COL10A1: variants seen among roughly 807,000 people sequenced by gnomAD.
COL10A1 encodes the protein collagen type X alpha 1 chain.
COL10A1 carries 10 observed loss-of-function variants against 18.2 expected under a neutral mutation model. That is an observed-to-expected ratio of 0.55 (90% CI 0.34 to 0.93). COL10A1 has a LOEUF of 0.93. Ranked by LOEUF, COL10A1 falls within the 40% of genes least tolerant of loss-of-function variation. The pLI is 0.02. For synonymous variants in COL10A1, 330 were observed against 316.6 expected (o/e 1.04, Z -0.45); for missense variants, 897 against 853.5 (o/e 1.05, Z -0.64).
At chr6:116,216,765 T>C in the COL10A1 span, among the ~76,000 whole-genome samples, 1 of 152,264 alleles carries the variant, frequency 6.6e-6, no homozygotes, top group African/African-American at 2.4e-5. Flanking sequence ...TTTATCTCTT[T>C]TATCCTCCAA....
intron 1 of COL10A1, among the ~76,000 whole-genome samples, chr6:116,149,883 T>C (rs1342580043): frequency 6.6e-6 from 1 of 152,200 alleles, no homozygotes; most frequent in Non-Finnish European, 1.5e-5. Flanking sequence ...AAACCAGCAT[T>C]AGGACTTAAC....
chr6:116,187,069 G>A, the COL10A1 span, among the ~76,000 whole-genome samples: 4 of 152,024 alleles, frequency 2.6e-5, no homozygotes, highest in Non-Finnish European at 5.9e-5. Context: ...CCTTGTTGTG[G>A]TGTTCTCCCC....
intron 1 of COL10A1, among the ~76,000 whole-genome samples, chr6:116,140,233 G>T (rs1430138198): frequency 6.6e-6 from 1 of 152,042 alleles, no homozygotes; most frequent in African/African-American, 2.4e-5. Flanking sequence ...GTTACCTAAA[G>T]CCATCAACTT....
Position 116,120,387 on chromosome 6 carries a change from T to C in COL10A1, c.1729A>G (p.Asn577Asp). The C allele has an allele frequency of 2.5e-6, 4 of 1,614,278 alleles. No individual in the cohort carries two copies. The highest frequency in any genetic ancestry group is 3.3e-5 in the Admixed American group (2 of 60,028). Residue 577 changes from asparagine (N) to aspartate (D), a missense_variant, in exon 3 of 3, where the codon AAC becomes GAC. Transcript: ENST00000651968. ...TPIPFDKILYNRQQHYDPRTG... is the reference protein window; with the variant it reads ...TPIPFDKILYDRQQHYDPRTG... ...CTTGGGTCATAATGCTGTTGCCTGT[T>C]ATACAAAATTTTATCAAATGGTATG...
At chr6:116,123,212 G>A (rs1022164240) in intron 2 of COL10A1, among the ~76,000 whole-genome samples, 1 of 152,196 alleles carries the variant, frequency 6.6e-6, no homozygotes, top group African/African-American at 2.4e-5. Context: ...GGAGAAACAA[G>A]TCAATGGAAA....
the COL10A1 span, among the ~76,000 whole-genome samples, chr6:116,203,975 A>G: frequency 1.4e-4 from 21 of 152,000 alleles, no homozygotes; most frequent in African/African-American, 5.1e-4. Flanking sequence ...TGACACACAC[A>G]CGGTGATCAT....
Position 116,125,370 on chromosome 6 carries a change from C to T in COL10A1, c.123G>A (p.Gln41=), listed in dbSNP as rs1779265485. 6.2e-7 allele frequency: 1 copy of T among 1,613,430 alleles called. No homozygotes were observed. ...TCTTTATGGTGTAGGGAATGAAGAA[C>T]TGTGTCTTGGTGTTGGGTAGTGGGC... ...IKGPLPNTKT[Q]FFIPYTIKSK... Residue 41 remains glutamine, a synonymous_variant, in exon 2 of 3, where the codon CAG becomes CAA. Coordinates refer to ENST00000651968, the MANE Select transcript of COL10A1 (RefSeq NM_000493.4).
At chr6:116,202,617 T>C in the COL10A1 span, among the ~76,000 whole-genome samples, 1 of 152,004 alleles carries the variant, frequency 6.6e-6, no homozygotes, top group Non-Finnish European at 1.5e-5. Context: ...TTAGATTGAG[T>C]GGTATTTACA....
At chr6:116,156,494 A>G (rs1332087279) in intron 1 of COL10A1, among the ~76,000 whole-genome samples, 1 of 152,190 alleles carries the variant, frequency 6.6e-6, no homozygotes, top group Non-Finnish European at 1.5e-5. Flanking sequence ...AGTGCAAAGT[A>G]AAAAGGAATG....
At chr6:116,177,450 G>T in the COL10A1 span, among the ~76,000 whole-genome samples, 1 of 151,960 alleles carries the variant, frequency 6.6e-6, no homozygotes, top group Non-Finnish European at 1.5e-5. Flanking sequence ...TTGCAAAATG[G>T]GTAAAAGTAT....
chr6:116,206,304 G>A, the COL10A1 span, among the ~76,000 whole-genome samples: 1 of 152,080 alleles, frequency 6.6e-6, no homozygotes, highest in East Asian at 1.9e-4. Flanking sequence ...GTAAAGCATT[G>A]TGCTAAATGT....
the COL10A1 span, among the ~76,000 whole-genome samples, chr6:116,192,852 T>C: frequency 6.6e-6 from 1 of 152,052 alleles, no homozygotes; most frequent in Non-Finnish European, 1.5e-5. Flanking sequence ...AAGGTGTGTC[T>C]TTTCTAGTCT....
chr6:116,178,056 T>A, the COL10A1 span, among the ~76,000 whole-genome samples: 1 of 68,008 alleles, frequency 1.5e-5, no homozygotes, highest in East Asian at 2.6e-4. Flanking sequence ...GAGGAAAGTG[T>A]GTGTGTGTGT....
At chr6:116,203,076 G>A in the COL10A1 span, among the ~76,000 whole-genome samples, 1 of 151,830 alleles carries the variant, frequency 6.6e-6, no homozygotes, top group African/African-American at 2.4e-5. Context: ...TTTTATGGTA[G>A]GACACAGGAA....
the COL10A1 span, among the ~76,000 whole-genome samples, chr6:116,184,223 A>G: frequency 6.6e-6 from 1 of 152,056 alleles, no homozygotes; most frequent in African/African-American, 2.4e-5. Flanking sequence ...CATATGTCAA[A>G]CTATCCCTGC....
the COL10A1 span, among the ~76,000 whole-genome samples, chr6:116,191,333 TAAAC>T: frequency 6.6e-6 from 1 of 151,920 alleles, no homozygotes. Flanking sequence ...TTAACCATAG[TAAAC>T]AAACAAACAA....
intron 1 of COL10A1, among the ~76,000 whole-genome samples, chr6:116,140,238 C>T (rs1419950936): frequency 6.6e-6 from 1 of 152,152 alleles, no homozygotes; most frequent in Non-Finnish European, 1.5e-5. Flanking sequence ...CTAAAGCCAT[C>T]AACTTATGCT....
chr6:116,151,630 A>T (rs762978339), intron 1 of COL10A1, among the ~76,000 whole-genome samples: 3 of 152,232 alleles, frequency 2.0e-5, no homozygotes, highest in Non-Finnish European at 4.4e-5. Flanking sequence ...AAATAATGGC[A>T]AATGTGATAT....
the COL10A1 span, among the ~76,000 whole-genome samples, chr6:116,194,422 A>C: frequency 2.0e-5 from 3 of 152,050 alleles, no homozygotes; most frequent in Admixed American, 6.6e-5. Context: ...AATTTCGGGA[A>C]AAAAATGGCA....
Sources: allele counts gnomAD v4.1 joint callset (sites outside exome capture counted in the v4.1 genomes callset), GRCh38; gene constraint gnomAD v4.1.1; transcripts MANE v1.5; gene names NCBI Gene and HGNC (gene_info 2026-07-23, HGNC 2026-07-21).